The following COMMD10 variants were observed in gnomAD, a reference collection of about 807,000 sequenced individuals.
COMMD10 encodes the protein COMM domain-containing protein 10.
In COMMD10, 33 loss-of-function variants were observed where a neutral mutation model predicts 28.9. That is an observed-to-expected ratio of 1.14 (90% CI 0.87 to 1.53). The LOEUF is 1.53. Among genes scored for constraint, COMMD10 ranks in the 40% most tolerant of loss-of-function variants. COMMD10 has a pLI of 0.00. For missense variants in COMMD10, 310 were observed against 233.4 expected (o/e 1.33, Z -2.14); for synonymous variants, 110 against 81.7 (o/e 1.35, Z -1.87).
chr5:116,092,703 A>G lies in COMMD10; in HGVS notation c.399+3A>G, dbSNP rs1750339219. 1.3e-6 allele frequency: 2 copies of G among 1,578,352 alleles called. No homozygotes were observed. On this transcript the variant is annotated splice_donor_region_variant and intron_variant, in intron 4 of 6. Coordinates refer to ENST00000274458, the MANE Select transcript of COMMD10 (RefSeq NM_016144.4). Reference sequence around the variant, plus strand: ...AGAGAATTCTGGCTCCCTGTAAGGTATAGAACATACTGTCTTAAATATGTT... The same window carrying G: ...AGAGAATTCTGGCTCCCTGTAAGGTGTAGAACATACTGTCTTAAATATGTT...
intron 5 of COMMD10, among the ~76,000 whole-genome samples, chr5:116,268,195 AC>A (rs1462022022): frequency 1.3e-5 from 2 of 151,954 alleles, no homozygotes; most frequent in Admixed American, 6.6e-5. Context: ...TTTGCAATCT[AC>A]CCATCTGACA....
intron 2 of COMMD10, among the ~76,000 whole-genome samples, chr5:116,087,855 A>G (rs971487527): frequency 6.6e-6 from 1 of 152,214 alleles, no homozygotes; most frequent in African/African-American, 2.4e-5. Context: ...ATGGCAGGTA[A>G]CATTTTCCAA....
chr5:116,251,918 A>G (rs1053276574), intron 5 of COMMD10, among the ~76,000 whole-genome samples: 3 of 150,162 alleles, frequency 2.0e-5, no homozygotes, highest in Non-Finnish European at 2.9e-5. Flanking sequence ...CAACAATGTA[A>G]AAGTGTTCCT....
chr5:116,166,831 C>A (rs922783019), intron 5 of COMMD10, among the ~76,000 whole-genome samples: 8 of 151,996 alleles, frequency 5.3e-5, no homozygotes, highest in African/African-American at 1.9e-4. Flanking sequence ...ACACAAAAAC[C>A]CCATCCGAAG....
intron 4 of COMMD10, among the ~76,000 whole-genome samples, chr5:116,108,773 C>T (rs1346426870): frequency 1.3e-5 from 2 of 152,166 alleles, no homozygotes; most frequent in Non-Finnish European, 2.9e-5. Context: ...AGCCTGGTGT[C>T]TGCCCAAACG....
At chr5:116,269,963 G>A (rs2112695729) in intron 5 of COMMD10, among the ~76,000 whole-genome samples, 1 of 151,812 alleles carries the variant, frequency 6.6e-6, no homozygotes, top group South Asian at 2.1e-4. Context: ...TGAAAGGAAG[G>A]GAAAAGATGT....
chr5:116,272,755 T>G (rs551299279), intron 5 of COMMD10, among the ~76,000 whole-genome samples: 11 of 152,044 alleles, frequency 7.2e-5, no homozygotes, highest in Non-Finnish European at 1.2e-4. Flanking sequence ...GTAAGAGTTT[T>G]GGCATCCATC....
chr5:116,140,952 T>C (rs1010530765), intron 5 of COMMD10, among the ~76,000 whole-genome samples: 1 of 151,868 alleles, frequency 6.6e-6, no homozygotes, highest in Non-Finnish European at 1.5e-5. Context: ...TACTTGTTTA[T>C]TTTTTGCTTT....
chr5:116,255,710 A>T, intron 5 of COMMD10: 1 of 151,474 alleles, frequency 6.6e-6, no homozygotes, highest in East Asian at 1.9e-4. Flanking sequence ...AGTGTACGTA[A>T]ATGCTAACTG....
intron 5 of COMMD10, among the ~76,000 whole-genome samples, chr5:116,263,557 C>T (rs138106491): frequency 6.6e-6 from 1 of 151,582 alleles, no homozygotes; most frequent in Non-Finnish European, 1.5e-5. Flanking sequence ...CCTTTTAGGT[C>T]CGATAAGAAA....
chr5:116,275,608 C>G (rs948100709), intron 5 of COMMD10, among the ~76,000 whole-genome samples: 22 of 151,772 alleles, frequency 1.4e-4, no homozygotes, highest in Non-Finnish European at 2.9e-4. Context: ...GCTCGTAAAT[C>G]TATGTTGAAA....
In COMMD10 at chr5:116,251,416, A is replaced by AT. The variant is rs1479591017; in HGVS notation, c.511-40100dup. ...ACTAACTCGTCATCTAGCATTAGGT[A>AT]TATCTCCCAATGCTATCCCTCCCCC... On this transcript the variant is annotated intron_variant, in intron 5 of 6. Transcript: ENST00000274458. Among the ~76,000 whole-genome samples the AT allele has an allele frequency of 2.8e-5, 4 of 141,890 alleles. No homozygotes were observed. In the Admixed American group the frequency reaches 2.8e-4, roughly 10 times the overall value. 93.1% of individuals were successfully genotyped at this position (141,890 alleles called of 152,430 possible).
Sources: allele counts gnomAD v4.1 joint callset (sites outside exome capture counted in the v4.1 genomes callset), GRCh38; gene constraint gnomAD v4.1.1; transcripts MANE v1.5; gene names NCBI Gene and HGNC (gene_info 2026-07-23, HGNC 2026-07-21).